The following HCN1 variants were observed in gnomAD, a reference collection of about 807,000 sequenced individuals.
HCN1 encodes potassium/sodium hyperpolarization-activated cyclic nucleotide-gated channel 1.
A neutral mutation model predicts 78.9 loss-of-function variants in HCN1; 13 were observed. That is an observed-to-expected ratio of 0.16 (90% CI 0.11 to 0.26). The LOEUF (loss-of-function observed/expected upper bound fraction) is 0.26, where lower values mean the gene tolerates loss of function less well. HCN1 is among the 10% of genes least tolerant of loss of function. The pLI is 1.00. For synonymous variants in HCN1, 552 were observed against 455.5 expected (o/e 1.21, Z -2.70); for missense variants, 810 against 1,154.3 (o/e 0.70, Z 4.32).
intron 2 of HCN1, among the ~76,000 whole-genome samples, chr5:45,549,150 A>G (rs1743300123): frequency 6.6e-6 from 1 of 152,256 alleles, no homozygotes; most frequent in East Asian, 1.9e-4. Flanking sequence ...AATCTACTTT[A>G]AAGTTCATAT....
intron 3 of HCN1, among the ~76,000 whole-genome samples, chr5:45,436,735 G>A (rs1740565840): frequency 6.6e-6 from 1 of 152,118 alleles, no homozygotes; most frequent in Non-Finnish European, 1.5e-5. Context: ...TGGGCTCCAG[G>A]ACCACACCCG....
chr5:45,615,860 A>G (rs1244691481), intron 2 of HCN1, among the ~76,000 whole-genome samples: 1 of 151,940 alleles, frequency 6.6e-6, no homozygotes, highest in African/African-American at 2.4e-5. Flanking sequence ...TTCTATGGTG[A>G]TGACTTGCAA....
At chr5:45,374,060 T>TAC (rs1465725869) in intron 4 of HCN1, among the ~76,000 whole-genome samples, 2 of 108,456 alleles carry the variant, frequency 1.8e-5, no homozygotes, top group African/African-American at 7.5e-5. Context: ...ATATATTATA[T>TAC]ATATAATATA....
chr5:45,660,155 T>C (rs1455942289), intron 1 of HCN1, among the ~76,000 whole-genome samples: 1 of 121,628 alleles, frequency 8.2e-6, no homozygotes, highest in Non-Finnish European at 1.7e-5. Context: ...TATTCAACAT[T>C]CTTAAAGAAA....
intron 3 of HCN1, among the ~76,000 whole-genome samples, chr5:45,451,835 T>G (rs1248530870): frequency 6.6e-6 from 1 of 152,024 alleles, no homozygotes. Context: ...ATATTTCCAC[T>G]AGAAGCCCTT....
chr5:45,415,554 T>C (rs1255954527), intron 3 of HCN1, among the ~76,000 whole-genome samples: 1 of 152,080 alleles, frequency 6.6e-6, no homozygotes, highest in East Asian at 1.9e-4. Context: ...TTTATATAGG[T>C]AGTTTTCTCT....
rs1745249215 is a variant in HCN1, at chr5:45,630,315, T to C, written c.849+14870A>G. Among the ~76,000 whole-genome samples the C allele has an allele frequency of 5.3e-5, 8 of 152,198 alleles. No homozygotes were observed. The South Asian group carries it at 1.7e-3, about 31-fold the overall frequency. ...AGTATGGATTTATATCCTGGCACTA[T>C]AATTTACTAGCTGTGCAATATGGGG... On this transcript the variant is annotated intron_variant, in intron 2 of 7. Coordinates refer to ENST00000303230, the MANE Select transcript of HCN1 (RefSeq NM_021072.4).
intron 1 of HCN1, among the ~76,000 whole-genome samples, chr5:45,676,335 C>T (rs1164470206): frequency 2.0e-5 from 3 of 151,690 alleles, no homozygotes; most frequent in Non-Finnish European, 4.4e-5. Flanking sequence ...CACATATATG[C>T]ATAAGCAAAT....
intron 2 of HCN1, among the ~76,000 whole-genome samples, chr5:45,511,167 G>T (rs1742408220): frequency 6.6e-6 from 1 of 151,638 alleles, no homozygotes; most frequent in African/African-American, 2.4e-5. Context: ...AACAAGTTAA[G>T]AAACAAAATA....
chr5:45,303,887 T>G, intron 5 of HCN1, 48 bp from the exon 6 acceptor site: 1 of 1,528,754 alleles, frequency 6.5e-7, no homozygotes, highest in Non-Finnish European at 9.1e-7. Flanking sequence ...ATTAATCATA[T>G]CTGGAAGAAA....
chr5:45,511,204 A>G (rs935320666), intron 2 of HCN1, among the ~76,000 whole-genome samples: 2 of 152,082 alleles, frequency 1.3e-5, no homozygotes, highest in African/African-American at 2.4e-5. Flanking sequence ...AATATAAGCC[A>G]AAGTATAAAA....
chr5:45,637,092 G>T (rs1218259730), intron 2 of HCN1, among the ~76,000 whole-genome samples: 4 of 152,120 alleles, frequency 2.6e-5, no homozygotes, highest in Non-Finnish European at 5.9e-5. Context: ...CTGTCAATGA[G>T]GAAGTTGATT....
At chr5:45,446,822 C>T (rs892276290) in intron 3 of HCN1, among the ~76,000 whole-genome samples, 2 of 152,088 alleles carry the variant, frequency 1.3e-5, no homozygotes, top group Admixed American at 6.6e-5. Context: ...AAATCCTTTA[C>T]AGACAAGCAA....
intron 1 of HCN1, among the ~76,000 whole-genome samples, chr5:45,651,978 G>A (rs1289733735): frequency 6.6e-6 from 1 of 151,864 alleles, no homozygotes; most frequent in Non-Finnish European, 1.5e-5. Context: ...ATAAAACAAA[G>A]TTAGACTATA....
At chr5:45,352,768 G>A (rs1350429695) in intron 5 of HCN1, among the ~76,000 whole-genome samples, 2 of 151,812 alleles carry the variant, frequency 1.3e-5, no homozygotes, top group African/African-American at 4.8e-5. Context: ...GAAGATGGGA[G>A]GAAGAATAGG....
chr5:45,431,257 C>A (rs1160053372), intron 3 of HCN1, among the ~76,000 whole-genome samples: 2 of 151,996 alleles, frequency 1.3e-5, no homozygotes, highest in Non-Finnish European at 1.5e-5. Flanking sequence ...TGAAAAGTGT[C>A]TCTTCATGTC....
chr5:45,331,789 A>C (rs1746349592), intron 5 of HCN1, among the ~76,000 whole-genome samples: 1 of 151,490 alleles, frequency 6.6e-6, no homozygotes, highest in Admixed American at 6.6e-5. Context: ...TTTAAAAATC[A>C]ATATCATCAT....
intron 2 of HCN1, among the ~76,000 whole-genome samples, chr5:45,600,160 C>A (rs369969055): frequency 5.9e-5 from 9 of 151,940 alleles, no homozygotes; most frequent in African/African-American, 2.2e-4. Context: ...TTTAGGCTTG[C>A]TTCCATTCTC....
intron 2 of HCN1, among the ~76,000 whole-genome samples, chr5:45,582,375 C>G (rs992701257): frequency 6.6e-6 from 1 of 152,062 alleles, no homozygotes; most frequent in East Asian, 1.9e-4. Flanking sequence ...GATTTTGTAT[C>G]CTGAGACTTT....
Sources: gnomAD v4.1 joint callset for allele counts (sites outside exome capture counted in the v4.1 genomes callset) on GRCh38, gnomAD v4.1.1 for gene constraint, MANE v1.5 for transcripts, NCBI Gene and HGNC (gene_info 2026-07-23, HGNC 2026-07-21) for gene names.